RIMS1: variants seen among roughly 807,000 people sequenced by gnomAD.
RIMS1 encodes the protein regulating synaptic membrane exocytosis protein 1.
RIMS1 carries 83 observed loss-of-function variants against 214.1 expected under a neutral mutation model. That is an observed-to-expected ratio of 0.39 (90% CI 0.32 to 0.47). RIMS1 has a LOEUF of 0.47. Ranked by LOEUF, RIMS1 falls within the 20% of genes least tolerant of loss-of-function variation. The probability of loss-of-function intolerance (pLI) is 0.99; values close to 1 mark genes in which losing one functional copy is unlikely to be tolerated. For synonymous variants in RIMS1, 793 were observed against 786.8 expected (o/e 1.01, Z -0.13); for missense variants, 2,050 against 2,161.8 (o/e 0.95, Z 1.03).
chr6:72,130,634 TTA>T (rs1281530697), intron 4 of RIMS1, among the ~76,000 whole-genome samples: 8 of 152,290 alleles, frequency 5.3e-5, no homozygotes, highest in Middle Eastern at 3.4e-3. Context: ...TTTTATTGTT[TTA>T]GTTATTATCT....
intron 29 of RIMS1, among the ~76,000 whole-genome samples, chr6:72,342,665 A>G (rs2097135763): frequency 6.6e-6 from 1 of 150,928 alleles, no homozygotes; most frequent in South Asian, 2.1e-4. Context: ...GTGGGCATGC[A>G]TGTTTCAGAA....
intron 22 of RIMS1, among the ~76,000 whole-genome samples, chr6:72,269,114 G>T (rs1428689730): frequency 6.6e-6 from 1 of 152,088 alleles, no homozygotes; most frequent in Non-Finnish European, 1.5e-5. Context: ...TTATGAAAGG[G>T]TAGTTTAAAC....
intron 28 of RIMS1, among the ~76,000 whole-genome samples, chr6:72,319,238 T>A (rs1186703511): frequency 1.3e-5 from 2 of 151,474 alleles, no homozygotes; most frequent in African/African-American, 4.9e-5. Context: ...ATCAGGAACA[T>A]AGAAGGAGAT....
At chr6:72,366,943 G>A in intron 29 of RIMS1, 1 of 744,452 alleles carries the variant, frequency 1.3e-6, no homozygotes, top group Non-Finnish European at 1.6e-6. Context: ...ATAAAACCTA[G>A]CCAAAAGCCA....
chr6:72,339,056 A>G (rs905210698), intron 29 of RIMS1, among the ~76,000 whole-genome samples: 6 of 151,850 alleles, frequency 4.0e-5, no homozygotes, highest in African/African-American at 1.4e-4. Flanking sequence ...AGTATCATAG[A>G]GCAAATCACA....
At chr6:72,261,769 TGTTTGAACTTTTTACA>T in intron 19 of RIMS1, 1 of 985,318 alleles carries the variant, frequency 1.0e-6, no homozygotes, top group Non-Finnish European at 1.2e-6. Flanking sequence ...TAATAAAAAT[TGTTTGAACTTTTTACA>T]GTCTGAAGTT....
At chr6:72,217,276 G>A in intron 6 of RIMS1, 2 of 1,478,222 alleles carry the variant, frequency 1.4e-6, no homozygotes, top group South Asian at 1.2e-5. Flanking sequence ...ATGGATAAAT[G>A]TAAAGTTAAT....
rs142546161 is a variant in RIMS1, at chr6:72,194,174, A to T, written c.1678+11025A>T. On this transcript the variant is annotated intron_variant, in intron 6 of 33. Coordinates refer to ENST00000521978, the MANE Select transcript of RIMS1 (RefSeq NM_014989.7). ...TAAAATGACCATAACCATCCAAAGC[A>T]ATATACAAATTCAATGCAATTCCTA... Among the ~76,000 whole-genome samples, 614 of 152,276 alleles carry T rather than the reference A, an allele frequency of 4.0e-3. 3 individuals carry two copies. Among genetic ancestry groups the T allele is most frequent in the Admixed American group, 8.1e-3 (124 of 15,296 alleles).
Position 72,131,297 on chromosome 6 carries a change from C to T in RIMS1, c.471+31311C>T, listed in dbSNP as rs189915132. On this transcript the variant is annotated intron_variant, in intron 4 of 33. Transcript: ENST00000521978. ...ACTGTGACTAAATTAGCATTATTGA[C>T]AATTAGTGTCAATAATATCATAAAG... Among the ~76,000 whole-genome samples the T allele has an allele frequency of 1.2e-3, 183 of 152,226 alleles. 1 individual carries two copies. Among genetic ancestry groups the T allele is most frequent in the Non-Finnish European group, 1.5e-4 (10 of 68,012 alleles).
intron 6 of RIMS1, among the ~76,000 whole-genome samples, chr6:72,185,114 C>T (rs2048912843): frequency 2.0e-5 from 3 of 152,140 alleles, no homozygotes; most frequent in African/African-American, 7.2e-5. Context: ...GAGTTCAACA[C>T]GAAAGGTGTT....
chr6:72,299,980 T>A (rs1477254903), intron 26 of RIMS1, among the ~76,000 whole-genome samples: 4 of 151,806 alleles, frequency 2.6e-5, no homozygotes, highest in Non-Finnish European at 4.4e-5. Flanking sequence ...AGTTTCTTAA[T>A]ATTCCTGGGC....
At chr6:72,007,909 A>T (rs1301589995) in intron 2 of RIMS1, among the ~76,000 whole-genome samples, 2 of 152,348 alleles carry the variant, frequency 1.3e-5, no homozygotes, top group South Asian at 2.1e-4. Flanking sequence ...GCAGGATGTT[A>T]TCCAGGAGAG....
chr6:71,931,084 C>T (rs561724290), intron 1 of RIMS1, among the ~76,000 whole-genome samples: 3 of 152,002 alleles, frequency 2.0e-5, no homozygotes, highest in African/African-American at 4.8e-5. Flanking sequence ...TTTAAAACAC[C>T]GAATTCAAAT....
intron 2 of RIMS1, among the ~76,000 whole-genome samples, chr6:71,976,196 C>G (rs1454145247): frequency 6.6e-6 from 1 of 152,028 alleles, no homozygotes; most frequent in Non-Finnish European, 1.5e-5. Context: ...TCCAATTTCC[C>G]TAAATTCTTG....
At chr6:72,178,915 A>C (rs1385488021) in intron 4 of RIMS1, among the ~76,000 whole-genome samples, 2 of 152,360 alleles carry the variant, frequency 1.3e-5, no homozygotes, top group Non-Finnish European at 1.5e-5. Flanking sequence ...GAGTGGTCAC[A>C]TATGAATAAA....
At chr6:72,325,715 A>G (rs2096428989) in intron 28 of RIMS1, among the ~76,000 whole-genome samples, 1 of 151,882 alleles carries the variant, frequency 6.6e-6, no homozygotes, top group South Asian at 2.1e-4. Context: ...AACTCAACAC[A>G]TGTATGTGTG....
At chr6:72,172,454 C>T (rs949966601) in intron 4 of RIMS1, among the ~76,000 whole-genome samples, 3 of 152,078 alleles carry the variant, frequency 2.0e-5, no homozygotes, top group African/African-American at 7.2e-5. Context: ...TATATTTGGG[C>T]TAATAAACTC....
intron 29 of RIMS1, among the ~76,000 whole-genome samples, chr6:72,368,041 A>G (rs564072995): frequency 3.5e-4 from 53 of 152,072 alleles, no homozygotes; most frequent in Non-Finnish European, 6.9e-4. Context: ...TGTAATTTAT[A>G]TTTTTGCCTC....
chr6:71,927,819 T>A (rs1337901063), intron 1 of RIMS1, among the ~76,000 whole-genome samples: 3 of 152,112 alleles, frequency 2.0e-5, no homozygotes, highest in Non-Finnish European at 2.9e-5. Context: ...TTTATAATAT[T>A]TGAAAAATAG....
Sources: allele counts gnomAD v4.1 joint callset (sites outside exome capture counted in the v4.1 genomes callset), GRCh38; gene constraint gnomAD v4.1.1; transcripts MANE v1.5; gene names NCBI Gene and HGNC (gene_info 2026-07-23, HGNC 2026-07-21).